Variants in PLEC observed in about 807,000 individuals in gnomAD.
PLEC encodes the protein plectin, also known as hemidesmosomal protein 1.
A neutral mutation model predicts 392.8 loss-of-function variants in PLEC; 216 were observed. That is an observed-to-expected ratio of 0.55 (90% CI 0.49 to 0.62). PLEC has a LOEUF of 0.62. PLEC is among the 20% of genes least tolerant of loss of function. PLEC has a pLI of 0.00. For missense variants in PLEC, 6,863 were observed against 6,563.4 expected, an observed-to-expected ratio of 1.05 and a Z score of -1.58; for synonymous variants, 3,621 against 2,980.6, an observed-to-expected ratio of 1.21 and a Z score of -7.00.
intron 2 of PLEC, 182 bp downstream of exon 2, chr8:143,938,449 G>A (rs1428259656): frequency 1.0e-5 from 16 of 1,543,006 alleles, no homozygotes; most frequent in Non-Finnish European, 1.3e-5. Flanking sequence ...CCAGAAGGAA[G>A]AGGAGGAAGA....
chr8:143,928,100 C>A (rs1333040926), intron 25 of PLEC, 108 bp from the exon 26 acceptor site: 2 of 1,393,224 alleles, frequency 1.4e-6, no homozygotes, highest in Non-Finnish European at 1.9e-6. Context: ...AAGCCCAGAC[C>A]CAACCCTGGG....
Position 143,915,799 on chromosome 8 carries a change from A to C in PLEC, c.*378T>G, listed in dbSNP as rs2130751724. The C allele has an allele frequency of 5.7e-6, 1 of 176,640 alleles. No homozygotes were observed. Among genetic ancestry groups the C allele is most frequent in the East Asian group, 1.6e-4 (1 of 6,082 alleles). The allele number at this position is 176,640 out of a possible 1,614,324, so 10.9% of individuals were successfully genotyped here. A position where few individuals can be genotyped will look rare whatever the true frequency, so the allele number is the denominator to read the frequency against. On this transcript the variant is annotated 3_prime_UTR_variant, in exon 32 of 32. Coordinates refer to ENST00000345136, the MANE Select transcript of PLEC (RefSeq NM_201384.3). ...CACCGTGCAGGCCAGTGCTAGAAACACCAGGGCCCTCTACAGACAGGGTTG... is the reference window on the plus strand; with the variant it reads ...CACCGTGCAGGCCAGTGCTAGAAACCCCAGGGCCCTCTACAGACAGGGTTG...
At chr8:143,930,656 C>T in intron 19 of PLEC, 120 bp from the exon 20 acceptor site, 2 of 1,069,914 alleles carry the variant, frequency 1.9e-6, no homozygotes, top group Non-Finnish European at 2.7e-6. Flanking sequence ...GGTGGCAGCA[C>T]TTGGAAGCAG....
chr8:143,946,514 C>T (rs1831500598), intron 1 of PLEC: 5 of 624,606 alleles, frequency 8.0e-6, no homozygotes, highest in Non-Finnish European at 9.9e-6. Flanking sequence ...GGCTCCTCCT[C>T]GCAGCCACCC....
chr8:143,947,913 C>T (rs1182488797), intron 1 of PLEC, among the ~76,000 whole-genome samples: 1 of 152,240 alleles, frequency 6.6e-6, no homozygotes, highest in Non-Finnish European at 1.5e-5. Flanking sequence ...GTCCCTCTCT[C>T]TGGGCTGCTC....
In PLEC at chr8:143,917,089, G is replaced by A; in HGVS notation, c.12732C>T (p.Arg4244=). The change falls in exon 32 of 32, where the codon CGC becomes CGT. Residue 4244 remains arginine, a synonymous_variant. Coordinates refer to ENST00000345136, the MANE Select transcript of PLEC (RefSeq NM_201384.3). ...AGGATCCCACCGAGGAGGAACGGGAGCGGAAACCACCGGCGTTGCCCGAGA... is the reference window on the plus strand; with the variant it reads ...AGGATCCCACCGAGGAGGAACGGGAACGGAAACCACCGGCGTTGCCCGAGA... ...DMLSGNAGGF[R]SRSSSVGSSS... is the part of the protein sequence containing the mutation. 1 of 1,606,736 alleles carries A rather than the reference G, an allele frequency of 6.2e-7. No individual in the cohort carries two copies. Among genetic ancestry groups the A allele is most frequent in the Non-Finnish European group, 8.5e-7 (1 of 1,174,622 alleles).
chr8:143,929,039 A>G, intron 25 of PLEC, 64 bp downstream of exon 25: 1 of 1,437,450 alleles, frequency 7.0e-7, no homozygotes, highest in Non-Finnish European at 9.5e-7. Context: ...CTGCAAGGTC[A>G]CAGCCCTCAC....
Position 143,973,362 on chromosome 8 carries a change from G to A in PLEC, c.70+41C>T. 1 of 1,548,440 alleles carries A rather than the reference G, an allele frequency of 6.5e-7. No homozygotes were observed. Among genetic ancestry groups the A allele is most frequent in the Non-Finnish European group, 8.7e-7 (1 of 1,146,638 alleles). On this transcript the variant is annotated intron_variant, in intron 1 of 31. Coordinates refer to the PLEC transcript ENST00000356346. The surrounding 1 kb of genome is among the most constrained non-coding windows in gnomAD (Gnocchi z 5.6). The stretch of plus-strand genomic sequence containing the variant: ...CGACAAGGTGCTCGGCGGCTGGGCT[G>A]TCAGGAGCGGCCCGACAGGCAGCGG...
chr8:143,951,750 G>A (rs1554736747), upstream of PLEC, among the ~76,000 whole-genome samples: 1 of 152,170 alleles, frequency 6.6e-6, no homozygotes, highest in East Asian at 1.9e-4. Flanking sequence ...CAGGCCAGAT[G>A]GATGGCTGCA....
At position 143,918,199 on chromosome 8, in the gene PLEC, G is replaced by A. The variant is rs782662904; in HGVS notation, c.11622C>T (p.Leu3874=). The A allele has an allele frequency of 8.2e-6, 13 of 1,587,686 alleles. No individual in the cohort carries two copies. Among genetic ancestry groups the A allele is most frequent in the Non-Finnish European group, 1.1e-5 (13 of 1,173,794 alleles). ...GCTTGCGGGCGTCCGACAGTGGCAG[G>A]AGCAGCTGGCCGGTGCCGTCGTCAC... The part of the protein sequence containing the change: ...CRRDDGTGQL[L]LPLSDARKLT... Residue 3874 remains leucine, a synonymous_variant, in exon 32 of 32, where the codon CTC becomes CTT. Coordinates refer to ENST00000345136, the MANE Select transcript of PLEC (RefSeq NM_201384.3).
At chr8:143,958,752 A>G, upstream of PLEC, 1 of 385,814 alleles carries the variant, frequency 2.6e-6, no homozygotes, top group Non-Finnish European at 5.5e-6. This position sits in a 1 kb window ranked among gnomAD's most constrained non-coding sequence, Gnocchi z 4.9. Context: ...TTCTCACCTG[A>G]TCCATGGTGG....
chr8:143,927,013 G>A lies in PLEC; in HGVS notation c.3909C>T (p.Pro1303=), dbSNP rs1286437225. The change falls in exon 29 of 32, where the codon CCC becomes CCT. Residue 1303 remains proline (P), a synonymous_variant. Coordinates refer to ENST00000345136, the MANE Select transcript of PLEC (RefSeq NM_201384.3). ...LEPVASPAKK[P]KVQSGSESVI... ...CACTCTCTGATCCCGACTGGACCTTGGGCTTCTTGGCCGGGGAGGCCACCG... is the reference window on the plus strand; with the variant it reads ...CACTCTCTGATCCCGACTGGACCTTAGGCTTCTTGGCCGGGGAGGCCACCG... The A allele has an allele frequency of 1.2e-6, 2 of 1,612,956 alleles. No homozygotes were observed. Among genetic ancestry groups the A allele is most frequent in the East Asian group, 2.2e-5 (1 of 44,902 alleles).
Position 143,930,147 on chromosome 8 carries a change from G to A in PLEC, c.2609C>T (p.Thr870Ile). ...CTGCTGAGCCCCCGCCACCCACCTG[G>A]TGACGGCCTCCTGGGCCTCCTGGTT... ...PPNQEAQEAV[T>I]RLEAQHQALV... Residue 870 changes from threonine (T) to isoleucine (I), a missense_variant, in exon 21 of 32, where the codon ACC (threonine) becomes ATC (isoleucine). By Grantham distance (89) the Thr-to-Ile change is moderately conservative. Coordinates refer to ENST00000345136, the MANE Select transcript of PLEC (RefSeq NM_201384.3). The A allele has an allele frequency of 6.3e-7, 1 of 1,584,744 alleles. No individual in the cohort carries two copies. The highest frequency in any genetic ancestry group is 1.7e-5 in the Admixed American group (1 of 57,978).
At chr8:143,946,896 CACCT>C (rs1831557105) in intron 1 of PLEC, among the ~76,000 whole-genome samples, 1 of 152,082 alleles carries the variant, frequency 6.6e-6, no homozygotes, top group Non-Finnish European at 1.5e-5. Context: ...TCTCTTCCTC[CACCT>C]GAGTCCTCCC....
Position 143,920,597 on chromosome 8 carries a change from C to T in PLEC, c.9224G>A (p.Arg3075Gln), listed in dbSNP as rs782713256. ...GHIIDPATSARLTVDEAVRAG... is the reference protein window; with the variant it reads ...GHIIDPATSAQLTVDEAVRAG... ...ACGCACTGCCTCGTCCACGGTCAGC[C>T]GGGCGCTGGTGGCGGGGTCGATGAT... The change falls in exon 32 of 32, where the codon CGG becomes CAG. Residue 3075 changes from arginine (R) to glutamine (Q), a missense_variant. By Grantham distance (43) the Arg-to-Gln change is conservative. Transcript: ENST00000345136. 7.8e-5 allele frequency: 126 copies of T among 1,609,708 alleles called. No individual in the cohort carries two copies. Among genetic ancestry groups the T allele is most frequent in the East Asian group, 1.3e-4 (6 of 44,888 alleles).
At position 143,923,504 on chromosome 8, in the gene PLEC, G is replaced by T; in HGVS notation, c.6425C>A (p.Ala2142Asp). Residue 2142 changes from alanine to aspartate, a missense_variant, in exon 31 of 32, where the codon GCC becomes GAC. Transcript: ENST00000345136. ...TGCCCGCCGCGCCGCCTCTTGCTCG[G>T]CCTCCTTGCGCAGCTTCTCTGCAGC... ...QAAAEKLRKEAEQEAARRAQA... is the reference protein window; with the variant it reads ...QAAAEKLRKEDEQEAARRAQA... The T allele has an allele frequency of 6.3e-7, 1 of 1,596,690 alleles. No homozygotes were observed.
rs781997724 is a variant in PLEC at position 143,924,293 on chromosome 8, C to T, written c.5636G>A (p.Arg1879Gln). Residue 1879 changes from arginine to glutamine, a missense_variant, in exon 31 of 32, where the codon CGG (arginine) becomes CAG (glutamine). By Grantham distance (43) the Arg-to-Gln change is conservative. Transcript: ENST00000345136. ...LAEDEAFQRR[R>Q]LEEQAAQHKA... ...GTGTTGCGCGGCCTGCTCCTCCAGC[C>T]GCCGCCGCTGGAAGGCCTCGTCCTC... is the stretch of plus-strand genomic sequence containing the variant. 2.8e-5 allele frequency: 45 copies of T among 1,594,638 alleles called. No individual in the cohort carries two copies. In the Middle Eastern group the frequency reaches 5.0e-4, roughly 18 times the overall value.
At chr8:143,953,037 C>A (rs1405607844), upstream of PLEC, among the ~76,000 whole-genome samples, 4 of 145,518 alleles carry the variant, frequency 2.7e-5, no homozygotes, top group Admixed American at 6.8e-5. Context: ...ACACACCCCC[C>A]CCGAAGCACA....
rs782320305 is a variant in PLEC at position 143,922,722 on chromosome 8, C to A, written c.7207G>T (p.Ala2403Ser). The change falls in exon 31 of 32, where the codon GCC (alanine) becomes TCC (serine). Residue 2403 changes from alanine to serine, a missense_variant. Transcript: ENST00000345136. ...TCCGCCTGCTTCCGGAAGCGCTGGG[C>A]GTCCTCCTCAGCGCGGGCCTGGGCT... ...SRAQARAEED[A>S]QRFRKQAEEI... The A allele has an allele frequency of 1.1e-5, 18 of 1,611,854 alleles. No homozygotes were observed. In the South Asian group the frequency reaches 1.5e-4, roughly 14 times the overall value.
Sources: gnomAD v4.1 joint callset for allele counts (sites outside exome capture counted in the v4.1 genomes callset) on GRCh38, gnomAD v4.1.1 for gene constraint, Gnocchi (gnomAD v3.1) non-coding constraint, MANE v1.5 for transcripts, NCBI Gene and HGNC (gene_info 2026-07-23, HGNC 2026-07-21) for gene names.